The following WDFY4 variants were observed in gnomAD, a reference collection of about 807,000 sequenced individuals.
WDFY4 encodes WD repeat- and FYVE domain-containing protein 4.
A neutral mutation model predicts 351.9 loss-of-function variants in WDFY4; 169 were observed. That is an observed-to-expected ratio of 0.48 (90% CI 0.42 to 0.55). The LOEUF is 0.55. Ranked by LOEUF, WDFY4 falls within the 20% of genes least tolerant of loss-of-function variation. The pLI is 0.00. For synonymous variants in WDFY4, 1,622 were observed against 1,574.6 expected (o/e 1.03, Z -0.71); for missense variants, 3,803 against 3,935.6 (o/e 0.97, Z 0.90).
chr10:48,958,859 G>A (rs1240007732), intron 52 of WDFY4, among the ~76,000 whole-genome samples: 2 of 152,180 alleles, frequency 1.3e-5, no homozygotes, highest in African/African-American at 4.8e-5. Flanking sequence ...GGTGAGCTGA[G>A]ATGAGTGATG....
intron 39 of WDFY4, among the ~76,000 whole-genome samples, chr10:48,833,895 G>C (rs1011308977): frequency 6.6e-6 from 1 of 152,204 alleles, no homozygotes; most frequent in Non-Finnish European, 1.5e-5. Flanking sequence ...CGGGAAATGA[G>C]GTGGAGCCTA....
At chr10:48,848,885 A>G (rs1244845473) in intron 39 of WDFY4, among the ~76,000 whole-genome samples, 1 of 152,204 alleles carries the variant, frequency 6.6e-6, no homozygotes, top group Non-Finnish European at 1.5e-5. Flanking sequence ...CACTGCTACG[A>G]CTGTGGTCAC....
At chr10:48,980,522 C>T (rs1253024833) in intron 60 of WDFY4, among the ~76,000 whole-genome samples, 3 of 152,226 alleles carry the variant, frequency 2.0e-5, no homozygotes, top group Non-Finnish European at 4.4e-5. Context: ...CCCAACCCAG[C>T]TGAGTACAAT....
intron 12 of WDFY4, among the ~76,000 whole-genome samples, chr10:48,754,924 TTTA>T (rs2065289484): frequency 6.6e-6 from 1 of 152,046 alleles, no homozygotes; most frequent in African/African-American, 2.4e-5. Context: ...TAGCCTGTAG[TTTA>T]TTATTATTAT....
rs1841974083 is a variant in WDFY4, at chr10:48,964,051, A to G, written c.8433A>G (p.Lys2811=). 17 of 1,549,630 alleles carry G rather than the reference A, an allele frequency of 1.1e-5. No homozygotes were observed. In the East Asian group the frequency reaches 3.9e-4, roughly 36 times the overall value. ...GFVSNFGQVP[K]QLFTKPHPAR... ...TCAGCAACTTTGGACAGGTGCCCAA[A>G]CAGGTACAGCATGCCTTGTCATTTG... The change falls in exon 54 of 62, where the codon AAA becomes AAG. Residue 2811 remains lysine, a synonymous_variant. Transcript: ENST00000325239.
chr10:48,782,312 C>A (rs964575495), intron 19 of WDFY4, among the ~76,000 whole-genome samples: 2 of 152,230 alleles, frequency 1.3e-5, no homozygotes, highest in Non-Finnish European at 2.9e-5. Flanking sequence ...ACTTCAAATA[C>A]CTTGAGGCAT....
chr10:48,957,416 A>T, intron 52 of WDFY4, 134 bp downstream of exon 52: 1 of 1,161,000 alleles, frequency 8.6e-7, no homozygotes, highest in African/African-American at 1.5e-5. Flanking sequence ...TGAGGTCTCC[A>T]CTGGGCAGCA....
chr10:48,890,591 T>C lies in WDFY4; in HGVS notation c.7180T>C (p.Phe2394Leu). ...LLDKEKVTQK[F>L]SLVIVQGHLV... ...TCTCTCCTTCCAGGTGACGCAGAAG[T>C]TCTCCCTGGTGATTGTGCAGGGCCA... The change falls in exon 44 of 62, where the codon TTC becomes CTC. Residue 2394 changes from phenylalanine (F) to leucine (L), a missense_variant. By Grantham distance (22) the Phe-to-Leu change is conservative (BLOSUM62 0). Around this residue, in one of 3 missense-constraint regions of WDFY4, gnomAD observed 3,054 missense variants for 3,148.6 expected, o/e 0.97. Transcript: ENST00000325239. The C allele has an allele frequency of 1.9e-6, 3 of 1,551,692 alleles. No homozygotes were observed. Among genetic ancestry groups the C allele is most frequent in the Non-Finnish European group, 8.7e-7 (1 of 1,146,992 alleles).
chr10:48,932,058 A>C (rs1441858720), intron 47 of WDFY4, among the ~76,000 whole-genome samples: 1 of 152,220 alleles, frequency 6.6e-6, no homozygotes, highest in Non-Finnish European at 1.5e-5. Context: ...CTTCATTGCC[A>C]ACCCAGGTTT....
chr10:48,772,074 G>A (rs371468822), intron 13 of WDFY4, among the ~76,000 whole-genome samples: 1 of 152,198 alleles, frequency 6.6e-6, no homozygotes. Context: ...ATAAAACATG[G>A]AAAGAATGCT....
chr10:48,723,391 G>A (rs989572356), intron 4 of WDFY4, 42 bp from the exon 5 acceptor site: 25 of 1,542,766 alleles, frequency 1.6e-5, no homozygotes, highest in Non-Finnish European at 2.0e-5. Context: ...ACCTGCTTCT[G>A]CTGCCTTGCT....
At chr10:48,796,554 C>A in intron 24 of WDFY4, 104 bp downstream of exon 24, 3 of 1,424,030 alleles carry the variant, frequency 2.1e-6, no homozygotes, top group South Asian at 1.4e-5. Flanking sequence ...CCCTCATAGT[C>A]ATGATGGTAG....
At chr10:48,757,399 C>T (rs959148922) in intron 12 of WDFY4, among the ~76,000 whole-genome samples, 2 of 152,058 alleles carry the variant, frequency 1.3e-5, no homozygotes, top group African/African-American at 4.8e-5. Flanking sequence ...TTTCCTTGCT[C>T]TAAAGTCTGT....
At chr10:48,903,624 C>A (rs1398691702) in intron 47 of WDFY4, among the ~76,000 whole-genome samples, 2 of 152,198 alleles carry the variant, frequency 1.3e-5, no homozygotes, top group Non-Finnish European at 2.9e-5. Context: ...ATTTAGGCTT[C>A]AGCAATTGGA....
chr10:48,846,793 A>G lies in WDFY4; in HGVS notation c.6663+14084A>G, dbSNP rs550292234. Among the ~76,000 whole-genome samples, 3 of 152,322 alleles carry G rather than the reference A, an allele frequency of 2.0e-5. No homozygotes were observed. The South Asian group carries it at 6.2e-4, about 32-fold the overall frequency. Reference sequence around the variant, plus strand: ...TAGAGCTGGCATGTGGTTGGGTGGCATCAGGAAGCTCCTGGAGTGGGTGCA... The same window carrying G: ...TAGAGCTGGCATGTGGTTGGGTGGCGTCAGGAAGCTCCTGGAGTGGGTGCA... On this transcript the variant is annotated intron_variant, in intron 39 of 61. Transcript: ENST00000325239.
At chr10:48,795,342 G>C (rs2066819512) in intron 23 of WDFY4, among the ~76,000 whole-genome samples, 1 of 151,590 alleles carries the variant, frequency 6.6e-6, no homozygotes, top group Admixed American at 6.6e-5. Context: ...TAGAAGGACA[G>C]AGTTGGATTG....
In WDFY4 at chr10:48,830,788, C is replaced by A. The variant is rs759211804; in HGVS notation, c.6429C>A (p.Ile2143=). Residue 2143 remains isoleucine, a synonymous_variant, in exon 38 of 62, where the codon ATC becomes ATA. Coordinates refer to ENST00000325239, the MANE Select transcript of WDFY4 (RefSeq NM_001394531.1). ...RQQTLEDAFK[I]DLSVKPGERE... ...AGACCCTGGAGGATGCCTTCAAGAT[C>A]GATCTCTCTGTGAAACCTGGAGAGA... is the stretch of plus-strand genomic sequence containing the variant. 2.6e-6 allele frequency: 4 copies of A among 1,551,544 alleles called. No homozygotes were observed. The African/African-American group carries it at 5.5e-5, about 21-fold the overall frequency.
intron 47 of WDFY4, among the ~76,000 whole-genome samples, chr10:48,916,871 ATGTG>A (rs55891907): frequency 0.21 from 31,166 of 149,146 alleles, 3,793 homozygotes; most frequent in East Asian, 0.36. Context: ...CTTTAAAAAT[ATGTG>A]TGTGTGTGTG....
Position 48,896,578 on chromosome 10 carries a change from C to T in WDFY4, c.7317-876C>T, listed in dbSNP as rs1055599424. 6.6e-5 allele frequency among the ~76,000 whole-genome samples: 10 copies of T among 152,026 alleles called. 1 individual carries two copies. Among genetic ancestry groups the T allele is most frequent in the African/African-American group, 2.4e-4 (10 of 41,454 alleles). On this transcript the variant is annotated intron_variant, in intron 44 of 61. Coordinates refer to ENST00000325239, the MANE Select transcript of WDFY4 (RefSeq NM_001394531.1). Reference sequence around the variant, plus strand: ...GCCCAGGCCAGGCTGGGCAGCCTCTCAGGATGCAGGCGCTGTGCAGATGAG... The same window carrying T: ...GCCCAGGCCAGGCTGGGCAGCCTCTTAGGATGCAGGCGCTGTGCAGATGAG...
Sources: allele counts gnomAD v4.1 joint callset (sites outside exome capture counted in the v4.1 genomes callset), GRCh38; gene constraint gnomAD v4.1.1; regional missense constraint gnomAD v4.1.1; transcripts MANE v1.5; gene names NCBI Gene and HGNC (gene_info 2026-07-23, HGNC 2026-07-21).